Variants in CCDC69 observed in about 807,000 individuals in gnomAD.
The protein encoded by CCDC69 is coiled-coil domain containing 69.
Under a neutral mutation model 40.3 loss-of-function variants are expected in CCDC69, and 38 were observed. The observed-to-expected ratio is 0.94, with a 90% CI of 0.73 to 1.24. The LOEUF is 1.24. Among genes scored for constraint, CCDC69 ranks in the 50% most tolerant of loss-of-function variants. The pLI is 0.00. For missense variants in CCDC69, 389 were observed against 357.9 expected, an observed-to-expected ratio of 1.09 and a Z score of -0.70; for synonymous variants, 141 against 138.9, an observed-to-expected ratio of 1.02 and a Z score of -0.11.
chr5:151,185,828 C>T (rs988365102), intron 6 of CCDC69, among the ~76,000 whole-genome samples, 195 bp downstream of exon 6: 1 of 152,206 alleles, frequency 6.6e-6, no homozygotes, highest in Admixed American at 6.5e-5. Context: ...GAGCACTTTA[C>T]TATTCCAGAT....
At chr5:151,208,963 C>T (rs55745173) in intron 1 of CCDC69, among the ~76,000 whole-genome samples, 9,631 of 152,254 alleles carry the variant, frequency 0.063, 300 homozygotes, top group East Asian at 0.1. Flanking sequence ...AGGTAAAGGT[C>T]ACTACAGGCG....
chr5:151,194,730 T>TA (rs2113989316), intron 4 of CCDC69, among the ~76,000 whole-genome samples: 1 of 151,972 alleles, frequency 6.6e-6, no homozygotes, highest in East Asian at 1.9e-4. Context: ...CTGTCTCTAC[T>TA]AAAAATACAA....
At chr5:151,206,542 C>A (rs554804455) in intron 1 of CCDC69, among the ~76,000 whole-genome samples, 1 of 152,282 alleles carries the variant, frequency 6.6e-6, no homozygotes, top group East Asian at 1.9e-4. Flanking sequence ...TCCCAGATTT[C>A]ATAAATGAGT....
At chr5:151,211,181 G>A (rs1342185338) in intron 1 of CCDC69, 3 of 152,102 alleles carry the variant, frequency 2.0e-5, no homozygotes, top group Admixed American at 1.3e-4. Context: ...GGTCTACCTC[G>A]GGCCCCCAGG....
intron 1 of CCDC69, among the ~76,000 whole-genome samples, chr5:151,217,307 GC>G (rs912891626): frequency 3.7e-4 from 56 of 152,266 alleles, no homozygotes; most frequent in Middle Eastern, 6.8e-3. Flanking sequence ...CCCTGTCCAG[GC>G]ACCTCCTTGT....
intron 7 of CCDC69, 81 bp downstream of exon 7, chr5:151,185,341 C>A: frequency 6.6e-7 from 1 of 1,515,858 alleles, no homozygotes; most frequent in Non-Finnish European, 9.0e-7. Flanking sequence ...CAAACCACCT[C>A]CCCTCTGCAT....
chr5:151,214,138 A>G (rs1012519945), intron 1 of CCDC69, among the ~76,000 whole-genome samples: 6 of 152,256 alleles, frequency 3.9e-5, no homozygotes, highest in African/African-American at 1.4e-4. Flanking sequence ...CCCTGATGCC[A>G]GGGTCAGCTT....
intron 1 of CCDC69, among the ~76,000 whole-genome samples, chr5:151,207,395 C>A (rs1278930315): frequency 6.6e-6 from 1 of 151,882 alleles, no homozygotes; most frequent in East Asian, 1.9e-4. Flanking sequence ...GGGTTCACGC[C>A]ATTCTCCTGC....
At chr5:151,209,911 C>T (rs1752906046) in intron 1 of CCDC69, among the ~76,000 whole-genome samples, 1 of 152,084 alleles carries the variant, frequency 6.6e-6, no homozygotes, top group Non-Finnish European at 1.5e-5. Flanking sequence ...TATTTATAAA[C>T]ATCTTCTTCC....
At chr5:151,208,798 C>T (rs960593743) in intron 1 of CCDC69, among the ~76,000 whole-genome samples, 1 of 152,218 alleles carries the variant, frequency 6.6e-6, no homozygotes, top group African/African-American at 2.4e-5. Context: ...GATTCTAGTG[C>T]CAGCTCTGTT....
intron 1 of CCDC69, among the ~76,000 whole-genome samples, chr5:151,207,916 GGAA>G (rs1752875477): frequency 6.6e-6 from 1 of 151,944 alleles, no homozygotes; most frequent in Non-Finnish European, 1.5e-5. Context: ...AAGGAAGGAA[GGAA>G]GAAGATGTTC....
intron 1 of CCDC69, among the ~76,000 whole-genome samples, chr5:151,219,221 T>C (rs957576763): frequency 1.3e-5 from 2 of 152,152 alleles, no homozygotes; most frequent in East Asian, 3.9e-4. Flanking sequence ...AAGATCAGAT[T>C]TGCCCACTCC....
intron 1 of CCDC69, among the ~76,000 whole-genome samples, chr5:151,205,985 C>T (rs532689815): frequency 6.6e-6 from 1 of 152,302 alleles, no homozygotes; most frequent in South Asian, 2.1e-4. Context: ...GGGCTCTCCC[C>T]ATCAGTGCTG....
At chr5:151,213,849 C>T (rs982242251) in intron 1 of CCDC69, among the ~76,000 whole-genome samples, 1 of 152,204 alleles carries the variant, frequency 6.6e-6, no homozygotes, top group African/African-American at 2.4e-5. Context: ...CTTAAGAGTT[C>T]ACCCAGCTCC....
chr5:151,213,050 C>T (rs751530305), intron 1 of CCDC69, among the ~76,000 whole-genome samples: 3 of 152,128 alleles, frequency 2.0e-5, no homozygotes, highest in Non-Finnish European at 4.4e-5. Context: ...TAAAAAGCAT[C>T]ACTGATGTTC....
rs530168905 is a variant in CCDC69 at position 151,220,653 on chromosome 5, C to A, written c.48+3270G>T. 2.0e-5 allele frequency among the ~76,000 whole-genome samples: 3 copies of A among 152,278 alleles called. No individual in the cohort carries two copies. The South Asian group carries it at 6.2e-4, about 32-fold the overall frequency. On this transcript the variant is annotated intron_variant, in intron 1 of 8. Transcript: ENST00000355417. The stretch of plus-strand genomic sequence containing the variant: ...GCCCAGCTTTGGCAGCTGTGCTGAG[C>A]CCCTTCTCAGAGGTCCTGCTTGGAA...
intron 4 of CCDC69, among the ~76,000 whole-genome samples, chr5:151,198,339 T>TATCC (rs1174428934): frequency 6.6e-6 from 1 of 151,286 alleles, no homozygotes; most frequent in East Asian, 1.9e-4. Flanking sequence ...TCTATCTATC[T>TATCC]ATCTATCTTA....
At chr5:151,190,612 G>C (rs1582040186) in intron 4 of CCDC69, among the ~76,000 whole-genome samples, 1 of 145,326 alleles carries the variant, frequency 6.9e-6, no homozygotes, top group East Asian at 2.0e-4. Context: ...TTTGCAATGA[G>C]CCCAGCTCAT....
intron 1 of CCDC69, among the ~76,000 whole-genome samples, chr5:151,223,413 T>C (rs1018407097): frequency 2.0e-5 from 3 of 152,254 alleles, no homozygotes; most frequent in Non-Finnish European, 4.4e-5. Context: ...GGGCATATTG[T>C]TAAAAGGCAG....
Sources: allele counts gnomAD v4.1 joint callset (sites outside exome capture counted in the v4.1 genomes callset), GRCh38; gene constraint gnomAD v4.1.1; transcripts MANE v1.5; gene names NCBI Gene and HGNC (gene_info 2026-07-23, HGNC 2026-07-21).